Variants in CMTM8 observed in about 807,000 individuals in gnomAD.
The protein encoded by CMTM8 is CKLF-like MARVEL transmembrane domain-containing protein 8.
Under a neutral mutation model 18.6 loss-of-function variants are expected in CMTM8, and 12 were observed. The observed-to-expected ratio is 0.65, with a 90% confidence interval of 0.41 to 1.05. The LOEUF (loss-of-function observed/expected upper bound fraction) is 1.05, where lower values mean the gene tolerates loss of function less well. Ranked by LOEUF, CMTM8 falls within the 50% of genes least tolerant of loss-of-function variation. CMTM8 has a pLI of 0.00. For synonymous variants in CMTM8, 87 were observed against 90.6 expected (o/e 0.96, Z 0.23); for missense variants, 217 against 227.2 (o/e 0.95, Z 0.29).
intron 1 of CMTM8, among the ~76,000 whole-genome samples, chr3:32,337,107 T>C (rs1026841543): frequency 6.6e-6 from 1 of 152,128 alleles, no homozygotes; most frequent in Non-Finnish European, 1.5e-5. Flanking sequence ...AACTCATTAA[T>C]CCATGAATGG....
At chr3:32,352,124 G>A (rs145052640) in intron 1 of CMTM8, among the ~76,000 whole-genome samples, 13,246 of 146,450 alleles carry the variant, frequency 0.09, 817 homozygotes, top group East Asian at 0.27. Context: ...GTTGCAGTGA[G>A]CCAAGATCAC....
chr3:32,359,756 T>A (rs1696886599), intron 2 of CMTM8, among the ~76,000 whole-genome samples: 1 of 152,190 alleles, frequency 6.6e-6, no homozygotes. Context: ...ATTGGACTTT[T>A]AAAAAGAATA....
intron 1 of CMTM8, chr3:32,244,111 G>A (rs1290670461): frequency 6.5e-6 from 1 of 153,868 alleles, no homozygotes; most frequent in African/African-American, 2.4e-5. Flanking sequence ...TGGAAGGTCA[G>A]GTCCAGGGAG....
chr3:32,337,311 C>T (rs1356965796), intron 1 of CMTM8, among the ~76,000 whole-genome samples: 1 of 152,190 alleles, frequency 6.6e-6, no homozygotes, highest in Non-Finnish European at 1.5e-5. Flanking sequence ...GCCAGGTTAG[C>T]ATCTGACCAC....
At chr3:32,331,793 T>A (rs1287401600) in intron 1 of CMTM8, among the ~76,000 whole-genome samples, 1 of 152,178 alleles carries the variant, frequency 6.6e-6, no homozygotes, top group African/African-American at 2.4e-5. Flanking sequence ...GAAAGTCAAA[T>A]ACTGCATGCT....
chr3:32,285,040 C>A (rs1426539168), intron 1 of CMTM8, among the ~76,000 whole-genome samples: 1 of 152,086 alleles, frequency 6.6e-6, no homozygotes, highest in Non-Finnish European at 1.5e-5. Context: ...CCTCATATGA[C>A]CTGGTTCAAG....
intron 1 of CMTM8, among the ~76,000 whole-genome samples, chr3:32,265,052 A>C (rs1702315112): frequency 6.6e-6 from 1 of 152,148 alleles, no homozygotes; most frequent in Non-Finnish European, 1.5e-5. Flanking sequence ...AACAAGACAC[A>C]AAGTTAACAA....
rs1701910820 is a variant in CMTM8, at chr3:32,239,118, T to C, written c.146T>C (p.Ile49Thr). 1.9e-6 allele frequency: 3 copies of C among 1,597,230 alleles called. No homozygotes were observed. In the South Asian group the frequency reaches 3.4e-5, roughly 18 times the overall value. Reference protein sequence around the residue: ...TLPGFLIVAEIVLGLLVWTLI... With the variant: ...TLPGFLIVAETVLGLLVWTLI... ...CCCGGCTTCCTCATCGTGGCCGAGA[T>C]CGTGAGTGCCGACGGGCCGGGGGTG... is the stretch of plus-strand genomic sequence containing the variant. The change falls in exon 1 of 4, where the codon ATC becomes ACC. Residue 49 changes from isoleucine (I) to threonine (T), a missense_variant and splice_region_variant. Coordinates refer to ENST00000307526, the MANE Select transcript of CMTM8 (RefSeq NM_178868.5).
intron 1 of CMTM8, among the ~76,000 whole-genome samples, chr3:32,283,293 C>T (rs557664185): frequency 6.6e-6 from 1 of 152,230 alleles, no homozygotes; most frequent in Admixed American, 6.5e-5. Context: ...CTGTCTTTTC[C>T]ACCTTGGGAT....
chr3:32,337,471 C>A (rs1163038423), intron 1 of CMTM8, among the ~76,000 whole-genome samples: 2 of 152,172 alleles, frequency 1.3e-5, no homozygotes, highest in African/African-American at 4.8e-5. Context: ...TGCAGCTTTA[C>A]TTAATGGTGA....
intron 1 of CMTM8, among the ~76,000 whole-genome samples, chr3:32,356,705 C>A (rs1212170675): frequency 6.6e-6 from 1 of 152,208 alleles, no homozygotes; most frequent in African/African-American, 2.4e-5. Flanking sequence ...GAAAGCAGAT[C>A]AGCTCCAGGG....
chr3:32,327,383 T>A (rs916806199), intron 1 of CMTM8, among the ~76,000 whole-genome samples: 4 of 152,192 alleles, frequency 2.6e-5, no homozygotes, highest in African/African-American at 9.6e-5. Flanking sequence ...TTAAAAGATA[T>A]TAGAAAGGCA....
chr3:32,361,292 T>TTTTTG (rs1553608180), intron 2 of CMTM8, among the ~76,000 whole-genome samples: 2 of 146,118 alleles, frequency 1.4e-5, no homozygotes, highest in Admixed American at 6.8e-5. Context: ...AAGAGTTTTT[T>TTTTTG]TTTCTTTCAA....
At chr3:32,321,069 A>G (rs749949347) in intron 1 of CMTM8, among the ~76,000 whole-genome samples, 48 of 152,128 alleles carry the variant, frequency 3.2e-4, no homozygotes, top group Non-Finnish European at 6.6e-4. Flanking sequence ...TTCAAAAAAC[A>G]GTATTGGTTA....
chr3:32,369,310 G>T (rs1016441115), intron 3 of CMTM8, among the ~76,000 whole-genome samples: 16 of 152,050 alleles, frequency 1.1e-4, no homozygotes, highest in South Asian at 2.1e-4. Flanking sequence ...GCGAAACTCC[G>T]TCTCGAAAAA....
chr3:32,281,213 C>T (rs865998690), intron 1 of CMTM8, among the ~76,000 whole-genome samples: 1 of 152,198 alleles, frequency 6.6e-6, no homozygotes, highest in African/African-American at 2.4e-5. Flanking sequence ...TTCCCTGGCA[C>T]CTCTCTAGTG....
At chr3:32,246,343 G>A (rs1164937041) in intron 1 of CMTM8, among the ~76,000 whole-genome samples, 1 of 152,084 alleles carries the variant, frequency 6.6e-6, no homozygotes, top group East Asian at 1.9e-4. Context: ...CATTCCCCAG[G>A]GTTCCTCCCT....
At chr3:32,340,917 G>A (rs367952383) in intron 1 of CMTM8, among the ~76,000 whole-genome samples, 14 of 152,314 alleles carry the variant, frequency 9.2e-5, no homozygotes, top group African/African-American at 3.4e-4. Flanking sequence ...TGTGGCAGGT[G>A]CCCATAGCCT....
chr3:32,291,771 G>A (rs770471264), intron 1 of CMTM8, among the ~76,000 whole-genome samples: 82 of 152,336 alleles, frequency 5.4e-4, no homozygotes, highest in Admixed American at 1.8e-3. Context: ...CCTGCCTAGT[G>A]TATGGTCTGT....
Sources: allele counts gnomAD v4.1 joint callset (sites outside exome capture counted in the v4.1 genomes callset), GRCh38; gene constraint gnomAD v4.1.1; transcripts MANE v1.5; gene names NCBI Gene and HGNC (gene_info 2026-07-23, HGNC 2026-07-21).